PHACTR1: variants seen among roughly 807,000 people sequenced by gnomAD.
PHACTR1 encodes the protein phosphatase and actin regulator 1, also known as RPEL repeat containing 1.
PHACTR1 carries 16 observed loss-of-function variants against 69.2 expected under a neutral mutation model. The observed-to-expected ratio is 0.23, with a 90% CI of 0.16 to 0.35. PHACTR1 has a LOEUF of 0.35. PHACTR1 is among the 10% of genes least tolerant of loss of function. The pLI is 1.00. For synonymous variants in PHACTR1, 312 were observed against 284.5 expected (o/e 1.10, Z -0.97); for missense variants, 510 against 734.7 (o/e 0.69, Z 3.54).
intron 4 of PHACTR1, among the ~76,000 whole-genome samples, chr6:12,773,501 AT>A (rs1183258054): frequency 1.3e-5 from 2 of 152,180 alleles, no homozygotes; most frequent in African/African-American, 4.8e-5. Flanking sequence ...AAGAAATGCA[AT>A]TTTGCTTATT....
intron 4 of PHACTR1, among the ~76,000 whole-genome samples, chr6:13,023,483 A>G (rs1331179033): frequency 6.6e-6 from 1 of 152,226 alleles, no homozygotes; most frequent in Non-Finnish European, 1.5e-5. Flanking sequence ...AGTAATTATA[A>G]AATCAAACAA....
chr6:13,260,879 T>C (rs1238530635), intron 10 of PHACTR1, among the ~76,000 whole-genome samples: 1 of 152,234 alleles, frequency 6.6e-6, no homozygotes, highest in Non-Finnish European at 1.5e-5. Context: ...GAATCATCGA[T>C]GACCTTATCA....
chr6:12,813,991 C>T (rs976388795), intron 4 of PHACTR1, among the ~76,000 whole-genome samples: 15 of 152,210 alleles, frequency 9.9e-5, no homozygotes, highest in African/African-American at 3.6e-4. Context: ...TCAGTGGATG[C>T]CCAGTTCTGA....
At chr6:12,918,921 T>G (rs1787322990) in intron 4 of PHACTR1, among the ~76,000 whole-genome samples, 1 of 152,192 alleles carries the variant, frequency 6.6e-6, no homozygotes, top group Non-Finnish European at 1.5e-5. Flanking sequence ...GTTGCGAAAT[T>G]TCTTTGATTT....
intron 7 of PHACTR1, among the ~76,000 whole-genome samples, chr6:13,187,184 A>T (rs1162237268): frequency 6.6e-6 from 1 of 152,142 alleles, no homozygotes; most frequent in Non-Finnish European, 1.5e-5. Flanking sequence ...CCCGGTTCCT[A>T]ATAGGCCGCG....
intron 5 of PHACTR1, among the ~76,000 whole-genome samples, chr6:13,102,994 G>A (rs1434876585): frequency 6.6e-6 from 1 of 152,170 alleles, no homozygotes; most frequent in African/African-American, 2.4e-5. Context: ...TCCAAGCCAT[G>A]CTATTTTCTT....
At chr6:13,094,854 C>G (rs1273288425) in intron 5 of PHACTR1, among the ~76,000 whole-genome samples, 1 of 152,146 alleles carries the variant, frequency 6.6e-6, no homozygotes, top group Non-Finnish European at 1.5e-5. Context: ...CCTTCTTTCT[C>G]CCTTTTATGG....
At chr6:12,806,515 G>T (rs985549305) in intron 4 of PHACTR1, among the ~76,000 whole-genome samples, 3 of 151,986 alleles carry the variant, frequency 2.0e-5, no homozygotes, top group Admixed American at 6.6e-5. Flanking sequence ...AGGGGGTCTT[G>T]TTATGTTGCC....
intron 4 of PHACTR1, among the ~76,000 whole-genome samples, chr6:12,870,367 C>G (rs1189182278): frequency 2.0e-5 from 3 of 152,036 alleles, no homozygotes; most frequent in Non-Finnish European, 2.9e-5. Context: ...TAATCTAATT[C>G]AATTCTTTTA....
At chr6:12,944,787 ATTTTT>A (rs67157877) in intron 4 of PHACTR1, among the ~76,000 whole-genome samples, 40 of 116,338 alleles carry the variant, frequency 3.4e-4, no homozygotes, top group Non-Finnish European at 1.9e-4. Context: ...ATTTTTATTT[ATTTTT>A]TTTTTTTTGA....
chr6:12,730,447 A>G (rs910744151), intron 3 of PHACTR1, among the ~76,000 whole-genome samples: 3 of 151,564 alleles, frequency 2.0e-5, no homozygotes, highest in African/African-American at 7.3e-5. Flanking sequence ...GTTAACACTT[A>G]TAAGGTCATT....
At chr6:13,190,175 C>G (rs1012325217) in intron 7 of PHACTR1, among the ~76,000 whole-genome samples, 2 of 145,294 alleles carry the variant, frequency 1.4e-5, no homozygotes, top group Non-Finnish European at 3.0e-5. Flanking sequence ...AGGCTTGTGC[C>G]ACTATGCTCA....
chr6:13,237,758 A>G (rs1772222478), intron 10 of PHACTR1, among the ~76,000 whole-genome samples: 1 of 152,234 alleles, frequency 6.6e-6, no homozygotes, highest in Non-Finnish European at 1.5e-5. Flanking sequence ...ACACAAACCA[A>G]GATGGTAGAG....
At chr6:12,854,070 G>A (rs1780090340) in intron 4 of PHACTR1, among the ~76,000 whole-genome samples, 1 of 152,176 alleles carries the variant, frequency 6.6e-6, no homozygotes, top group Non-Finnish European at 1.5e-5. Flanking sequence ...TGGGTTATGG[G>A]TGTATATAAG....
chr6:12,937,018 C>A (rs1384013537), intron 4 of PHACTR1, among the ~76,000 whole-genome samples: 1 of 152,056 alleles, frequency 6.6e-6, no homozygotes, highest in Admixed American at 6.6e-5. Flanking sequence ...CTTTGTTTAT[C>A]ATTTAAGGAA....
At chr6:12,819,460 T>C (rs1775962258) in intron 4 of PHACTR1, among the ~76,000 whole-genome samples, 1 of 152,136 alleles carries the variant, frequency 6.6e-6, no homozygotes, top group South Asian at 2.1e-4. Flanking sequence ...GGTGATAACA[T>C]CACACTTCAC....
intron 3 of PHACTR1, among the ~76,000 whole-genome samples, chr6:12,724,678 C>T (rs1162138344): frequency 6.6e-6 from 1 of 152,172 alleles, no homozygotes; most frequent in Non-Finnish European, 1.5e-5. Flanking sequence ...CTGACCAAAC[C>T]ACACTTCCAG....
At chr6:12,881,596 A>T (rs552074967) in intron 4 of PHACTR1, among the ~76,000 whole-genome samples, 1 of 151,998 alleles carries the variant, frequency 6.6e-6, no homozygotes, top group Admixed American at 6.6e-5. Flanking sequence ...TCTCCATTTC[A>T]TCACCCCAAT....
At chr6:12,913,141 T>A (rs1303461303) in intron 4 of PHACTR1, among the ~76,000 whole-genome samples, 1 of 152,192 alleles carries the variant, frequency 6.6e-6, no homozygotes, top group Non-Finnish European at 1.5e-5. Flanking sequence ...CAAAACATTT[T>A]AAATTGTTCC....
Sources: gnomAD v4.1 joint callset for allele counts (sites outside exome capture counted in the v4.1 genomes callset) on GRCh38, gnomAD v4.1.1 for gene constraint, MANE v1.5 for transcripts, NCBI Gene and HGNC (gene_info 2026-07-23, HGNC 2026-07-21) for gene names.